DAPK1: variants seen among roughly 807,000 people sequenced by gnomAD.
DAPK1 encodes the protein death associated protein kinase 1.
Under a neutral mutation model 144.9 loss-of-function variants are expected in DAPK1, and 56 were observed. The observed-to-expected ratio is 0.39, with a 90% confidence interval of 0.31 to 0.48. The LOEUF (loss-of-function observed/expected upper bound fraction) is 0.48, where lower values mean the gene tolerates loss of function less well. DAPK1 is among the 20% of genes least tolerant of loss of function. The pLI is 0.95. For synonymous variants in DAPK1, 690 were observed against 749.0 expected, an observed-to-expected ratio of 0.92 and a Z score of 1.29; for missense variants, 1,454 against 1,875.4, an observed-to-expected ratio of 0.78 and a Z score of 4.15.
chr9:87,636,828 T>C (rs1829911684), intron 3 of DAPK1, among the ~76,000 whole-genome samples: 1 of 152,230 alleles, frequency 6.6e-6, no homozygotes, highest in African/African-American at 2.4e-5. Context: ...GATTAACTTA[T>C]AAAAACTCTT....
intron 19 of DAPK1, among the ~76,000 whole-genome samples, chr9:87,671,374 T>A (rs998033122): frequency 6.6e-6 from 1 of 151,872 alleles, no homozygotes; most frequent in Non-Finnish European, 1.5e-5. Context: ...TACAAAAATA[T>A]AAAATATATT....
At chr9:87,648,075 C>T (rs559681610) in intron 14 of DAPK1, among the ~76,000 whole-genome samples, 2 of 152,358 alleles carry the variant, frequency 1.3e-5, no homozygotes, top group East Asian at 3.9e-4. Context: ...CAAGCTGCCA[C>T]ATGCAGTTGC....
chr9:87,522,088 A>G (rs1825319983), intron 2 of DAPK1, among the ~76,000 whole-genome samples: 1 of 152,216 alleles, frequency 6.6e-6, no homozygotes, highest in Non-Finnish European at 1.5e-5. Flanking sequence ...CCCAGCCTCC[A>G]GGACCACGAG....
At chr9:87,552,282 A>G (rs1313758719) in intron 2 of DAPK1, among the ~76,000 whole-genome samples, 3 of 151,962 alleles carry the variant, frequency 2.0e-5, no homozygotes, top group Non-Finnish European at 4.4e-5. Flanking sequence ...GGCTTTCTGT[A>G]CCTAGGACTT....
At chr9:87,499,352 T>G (rs1470207405) in intron 2 of DAPK1, 1 of 568,988 alleles carries the variant, frequency 1.8e-6, no homozygotes, top group African/African-American at 1.9e-5. Flanking sequence ...AGGGCTAGAT[T>G]ATGATGCACA....
At chr9:87,606,662 TCCTCCCTCTCTCTCCCTGTC>T (rs1828732646) in intron 3 of DAPK1, among the ~76,000 whole-genome samples, 2 of 109,274 alleles carry the variant, frequency 1.8e-5, no homozygotes, top group South Asian at 8.2e-4. Context: ...CTTCCTTCCT[TCCTCCCTCTCTCTCCCTGTC>T]CCTCCCTCTC....
chr9:87,563,104 A>C (rs184105151), intron 2 of DAPK1, among the ~76,000 whole-genome samples: 2 of 152,190 alleles, frequency 1.3e-5, no homozygotes, highest in Non-Finnish European at 2.9e-5. Flanking sequence ...TCATGTTTCT[A>C]TTCTGTTGTC....
At chr9:87,611,119 A>G (rs919209044) in intron 3 of DAPK1, among the ~76,000 whole-genome samples, 1 of 152,238 alleles carries the variant, frequency 6.6e-6, no homozygotes, top group Non-Finnish European at 1.5e-5. Context: ...TCAAAGGGTT[A>G]GTGATTCTAT....
intron 2 of DAPK1, among the ~76,000 whole-genome samples, chr9:87,505,930 C>T (rs144350783): frequency 0.012 from 1,848 of 152,218 alleles, 38 homozygotes; most frequent in African/African-American, 0.042. Context: ...TCAAGTGATC[C>T]GCCCGTCTCG....
At chr9:87,505,165 G>C (rs534934281) in intron 2 of DAPK1, among the ~76,000 whole-genome samples, 6 of 152,204 alleles carry the variant, frequency 3.9e-5, no homozygotes, top group Non-Finnish European at 8.8e-5. Flanking sequence ...AGGTCACATT[G>C]CCTGACTCAG....
chr9:87,556,992 A>G (rs1826742815), intron 2 of DAPK1, among the ~76,000 whole-genome samples: 1 of 152,032 alleles, frequency 6.6e-6, no homozygotes. Context: ...TGGGCAGTTG[A>G]CCTTCGGCTT....
rs1826954894 is a variant in DAPK1, at chr9:87,562,228, G to A, written c.63-42726G>A. ...GCAGTTGAGCTATATGTTCATCATA[G>A]TTATACTGAGTTAGGATGGGCAAAG... On this transcript the variant is annotated intron_variant, in intron 2 of 25. Transcript: ENST00000408954. Among the ~76,000 whole-genome samples the A allele has an allele frequency of 1.3e-5, 2 of 152,222 alleles. 1 individual carries two copies. The highest frequency in any genetic ancestry group is 4.1e-4 in the South Asian group (2 of 4,836).
At chr9:87,536,956 T>G (rs1191357999) in intron 2 of DAPK1, among the ~76,000 whole-genome samples, 2 of 152,006 alleles carry the variant, frequency 1.3e-5, no homozygotes, top group Admixed American at 1.3e-4. Context: ...AATTTTACCT[T>G]GAAAAAGTTG....
chr9:87,707,922 A>G lies in DAPK1; in HGVS notation c.*558A>G. 1 of 455,406 alleles carries G rather than the reference A, an allele frequency of 2.2e-6. No homozygotes were observed. 28.2% of individuals were successfully genotyped at this position (455,406 alleles called of 1,614,324 possible). ...CTTTTGCAGAAGAGGGTGTGTTTGA[A>G]ATCATCGGAGTCAGCCAGGAGCTGT... On this transcript the variant is annotated 3_prime_UTR_variant, in exon 26 of 26. Coordinates refer to ENST00000408954, the MANE Select transcript of DAPK1 (RefSeq NM_004938.4). This position sits in a 1 kb window ranked among gnomAD's most constrained non-coding sequence, Gnocchi z 4.0.
At chr9:87,556,448 T>G (rs1450655461) in intron 2 of DAPK1, among the ~76,000 whole-genome samples, 2 of 152,254 alleles carry the variant, frequency 1.3e-5, no homozygotes, top group Non-Finnish European at 2.9e-5. Context: ...TTTGCTGTCT[T>G]TGAATCATGG....
chr9:87,675,158 T>G (rs1824317219), intron 19 of DAPK1, among the ~76,000 whole-genome samples: 2 of 152,184 alleles, frequency 1.3e-5, no homozygotes, highest in South Asian at 2.1e-4. Context: ...CTGGTGTTCC[T>G]ACATGGCAGA....
intron 3 of DAPK1, among the ~76,000 whole-genome samples, chr9:87,626,677 A>C (rs1829505193): frequency 6.6e-6 from 1 of 152,164 alleles, no homozygotes; most frequent in Non-Finnish European, 1.5e-5. Flanking sequence ...TTTGGAATGG[A>C]TGTAAAGACC....
rs566520352 is a variant in DAPK1, at chr9:87,608,764, C to T, written c.284+3589C>T. ...AGGAACAGCTTTTAGATGGAGTGAG[C>T]GGGAGGGCCCTTAGGAGCTGGCCAC... is the stretch of plus-strand genomic sequence containing the variant. On this transcript the variant is annotated intron_variant, in intron 3 of 25. Transcript: ENST00000408954. Among the ~76,000 whole-genome samples, 10 of 152,252 alleles carry T rather than the reference C, an allele frequency of 6.6e-5. No individual in the cohort carries two copies. In the South Asian group the frequency reaches 2.1e-3, roughly 32 times the overall value.
rs768760058 is a variant in DAPK1, at chr9:87,658,069, T to A, written c.1865T>A (p.Ile622Asn). ...CTGCACCTTGCGGCCAACAACGGAATCCTAGACGTGGTCCGGTATCTCTGT... is the reference window on the plus strand; with the variant it reads ...CTGCACCTTGCGGCCAACAACGGAAACCTAGACGTGGTCCGGTATCTCTGT... The part of the protein sequence containing the change: ...TPLHLAANNG[I>N]LDVVRYLCLM... Residue 622 changes from isoleucine to asparagine, a missense_variant, in exon 18 of 26, where the codon ATC becomes AAC. Around this residue, in one of 2 missense-constraint regions of DAPK1, gnomAD observed 1,025 missense variants for 1,237.9 expected, o/e 0.83. Coordinates refer to ENST00000408954, the MANE Select transcript of DAPK1 (RefSeq NM_004938.4). The A allele has an allele frequency of 3.2e-6, 5 of 1,553,770 alleles. No homozygotes were observed. The highest frequency in any genetic ancestry group is 4.4e-6 in the Non-Finnish European group (5 of 1,125,456).
Sources: gnomAD v4.1 joint callset for allele counts (sites outside exome capture counted in the v4.1 genomes callset) on GRCh38, gnomAD v4.1.1 for gene constraint, gnomAD v4.1.1 regional missense constraint, Gnocchi (gnomAD v3.1) non-coding constraint, MANE v1.5 for transcripts, NCBI Gene and HGNC (gene_info 2026-07-23, HGNC 2026-07-21) for gene names.